The following CD109 variants were observed in gnomAD, a reference collection of about 807,000 sequenced individuals.
The protein encoded by CD109 is CD109 antigen.
A neutral mutation model predicts 165.8 loss-of-function variants in CD109; 149 were observed. The ratio of observed to expected loss-of-function variants is 0.90; its 90% CI spans 0.79 to 1.03. The LOEUF (loss-of-function observed/expected upper bound fraction) is 1.03. Among genes scored for constraint, CD109 ranks in the 50% least tolerant of loss-of-function variants. The pLI is 0.00. For missense variants in CD109, 1,712 were observed against 1,677.8 expected, an observed-to-expected ratio of 1.02 and a Z score of -0.36; for synonymous variants, 585 against 592.1, an observed-to-expected ratio of 0.99 and a Z score of 0.18.
intron 2 of CD109, among the ~76,000 whole-genome samples, chr6:73,710,631 T>G (rs1301164174): frequency 6.6e-6 from 1 of 152,136 alleles, no homozygotes; most frequent in Non-Finnish European, 1.5e-5. Flanking sequence ...TTTCTCAGTA[T>G]CAGATATTAA....
At chr6:73,783,903 A>T in intron 19 of CD109, 79 bp downstream of exon 19, 9 of 716,394 alleles carry the variant, frequency 1.3e-5, no homozygotes, top group South Asian at 1.8e-5. Context: ...TTTTTTTTTT[A>T]AATGACTGCT....
chr6:73,771,360 G>T (rs1407383421), intron 14 of CD109, 69 bp from the exon 15 acceptor site: 4 of 1,302,174 alleles, frequency 3.1e-6, no homozygotes, highest in Non-Finnish European at 4.3e-6. Context: ...TTGGGCCAGT[G>T]GTCTGCTATT....
At chr6:73,789,492 C>T (rs377620817) in intron 22 of CD109, among the ~76,000 whole-genome samples, 3 of 151,394 alleles carry the variant, frequency 2.0e-5, no homozygotes, top group Admixed American at 2.0e-4. Context: ...CTCGCTCTGT[C>T]GCCCAGGCTG....
intron 2 of CD109, among the ~76,000 whole-genome samples, chr6:73,719,664 C>G (rs1449033430): frequency 2.0e-5 from 3 of 152,176 alleles, no homozygotes; most frequent in Non-Finnish European, 2.9e-5. Flanking sequence ...AGAACAAATT[C>G]TGCTACATGG....
In CD109 at chr6:73,824,778, G is replaced by A. The variant is rs906354870; in HGVS notation, c.*1145G>A. The A allele has an allele frequency of 3.3e-5, 5 of 152,052 alleles. No homozygotes were observed. The highest frequency in any genetic ancestry group is 1.2e-4 in the African/African-American group (5 of 41,394). 9.4% of individuals were successfully genotyped at this position (152,052 alleles called of 1,614,324 possible). On this transcript the variant is annotated 3_prime_UTR_variant, in exon 33 of 33. Transcript: ENST00000287097. ...GAAGGGTAATATAATTTATCTGGAT[G>A]GAAATTTTAAAGATGAATCCCCCTT...
At chr6:73,689,232 C>T in the CD109 span, among the ~76,000 whole-genome samples, 5 of 152,166 alleles carry the variant, frequency 3.3e-5, no homozygotes, top group Non-Finnish European at 5.9e-5. Flanking sequence ...ATTAACCAAA[C>T]CCAAGGATGG....
At chr6:73,697,148 T>C (rs1450038019) in intron 1 of CD109, among the ~76,000 whole-genome samples, 2 of 152,218 alleles carry the variant, frequency 1.3e-5, no homozygotes, top group East Asian at 1.9e-4. Flanking sequence ...GTTTATAAAA[T>C]GGAAATAATA....
At chr6:73,720,950 T>G (rs7747167) in intron 2 of CD109, among the ~76,000 whole-genome samples, 50,564 of 152,096 alleles carry the variant, frequency 0.33, 10,269 homozygotes, top group Non-Finnish European at 0.46. Context: ...CTTTTGCCTG[T>G]AACATTGTAC....
intron 4 of CD109, among the ~76,000 whole-genome samples, chr6:73,733,523 T>G (rs949840998): frequency 2.0e-4 from 30 of 152,230 alleles, no homozygotes; most frequent in African/African-American, 7.0e-4. Context: ...CCCACGCTTC[T>G]GGCCTCCTCT....
chr6:73,789,977 G>A (rs1261369858), intron 22 of CD109, among the ~76,000 whole-genome samples: 4 of 151,298 alleles, frequency 2.6e-5, no homozygotes, highest in African/African-American at 9.7e-5. Flanking sequence ...GGCCAGGCTG[G>A]TCTCGAACCC....
At chr6:73,680,588 A>G in the CD109 span, among the ~76,000 whole-genome samples, 1 of 152,194 alleles carries the variant, frequency 6.6e-6, no homozygotes, top group Non-Finnish European at 1.5e-5. Flanking sequence ...TAGACTCTCC[A>G]CGTAGCTGGC....
intron 2 of CD109, among the ~76,000 whole-genome samples, chr6:73,712,208 CAAAA>C (rs3045855): frequency 0.82 from 124,953 of 151,524 alleles, 52,284 homozygotes; most frequent in Non-Finnish European, 0.91. Context: ...GACTCCGTCT[CAAAA>C]AAAAAAAAAT....
chr6:73,705,049 C>T (rs948191926), intron 2 of CD109, among the ~76,000 whole-genome samples: 11 of 151,836 alleles, frequency 7.2e-5, no homozygotes, highest in Admixed American at 5.3e-4. Flanking sequence ...AAGGGTGTGC[C>T]GGAGGAAAGA....
intron 4 of CD109, 113 bp from the exon 5 acceptor site, chr6:73,736,270 G>C (rs1562038049): frequency 9.2e-7 from 1 of 1,089,094 alleles, no homozygotes; most frequent in Non-Finnish European, 1.3e-6. Context: ...CCGTATTTTG[G>C]AGTAAAGTTC....
At chr6:73,767,247 C>T (rs1197143168) in intron 13 of CD109, among the ~76,000 whole-genome samples, 2 of 152,056 alleles carry the variant, frequency 1.3e-5, no homozygotes, top group African/African-American at 4.8e-5. Flanking sequence ...CGGTTGTTCC[C>T]CTCTATGTGT....
At position 73,736,779 on chromosome 6, in the gene CD109, C is replaced by T. The variant is rs542563911; in HGVS notation, c.633+271C>T. ...TTGACATTTTAGTACACAATGTTTA[C>T]TTATTTGTTTCATGCATTATTTTAA... is the stretch of plus-strand genomic sequence containing the variant. On this transcript the variant is annotated intron_variant, in intron 5 of 32. Transcript: ENST00000287097. Among the ~76,000 whole-genome samples the T allele has an allele frequency of 2.0e-5, 3 of 152,206 alleles. No homozygotes were observed. In the South Asian group the frequency reaches 6.2e-4, roughly 32 times the overall value.
rs549449985 is a variant in CD109, at chr6:73,788,582, G to A, written c.2671G>A (p.Gly891Ser). Reference sequence around the variant, plus strand: ...CTCATTTCCTCCTAATACAGTGACTGGCAGTGAAAGAGTTCAGATCACTGC... The same window carrying A: ...CTCATTTCCTCCTAATACAGTGACTAGCAGTGAAAGAGTTCAGATCACTGC... Reference protein sequence around the residue: ...SFSFPPNTVTGSERVQITAIG... With the variant: ...SFSFPPNTVTSSERVQITAIG... The change falls in exon 22 of 33, where the codon GGC becomes AGC. Residue 891 changes from glycine (G) to serine (S), a missense_variant. Gly to Ser is a moderately conservative substitution (Grantham distance 56). Coordinates refer to ENST00000287097, the MANE Select transcript of CD109 (RefSeq NM_133493.5). 3.7e-5 allele frequency: 59 copies of A among 1,613,122 alleles called. 1 individual carries two copies. In the South Asian group the frequency reaches 5.5e-4, roughly 15 times the overall value.
At chr6:73,752,157 G>A (rs72955228) in intron 5 of CD109, among the ~76,000 whole-genome samples, 5,338 of 152,222 alleles carry the variant, frequency 0.035, 143 homozygotes, top group Non-Finnish European at 0.054. Flanking sequence ...AATCCAACCA[G>A]CACCTTAGTT....
At chr6:73,723,128 C>T in intron 2 of CD109, 123 bp from the exon 3 acceptor site, 4 of 1,558,784 alleles carry the variant, frequency 2.6e-6, no homozygotes, top group Non-Finnish European at 3.4e-6. Context: ...ATTTTGGTTT[C>T]ACCAAATGTA....
Sources: allele counts gnomAD v4.1 joint callset (sites outside exome capture counted in the v4.1 genomes callset), GRCh38; gene constraint gnomAD v4.1.1; transcripts MANE v1.5; gene names NCBI Gene and HGNC (gene_info 2026-07-23, HGNC 2026-07-21).